SH3BP4: variants seen among roughly 807,000 people sequenced by gnomAD.
SH3BP4 encodes the protein SH3 domain binding protein 4, also known as SH3 domain-binding protein 4.
Under a neutral mutation model 65.5 loss-of-function variants are expected in SH3BP4, and 33 were observed. The observed-to-expected ratio is 0.50, with a 90% CI of 0.38 to 0.67. SH3BP4 has a LOEUF of 0.67. Ranked by LOEUF, SH3BP4 falls within the 30% of genes least tolerant of loss-of-function variation. SH3BP4 has a pLI of 0.00. For synonymous variants in SH3BP4, 552 were observed against 545.5 expected, an observed-to-expected ratio of 1.01 and a Z score of -0.17; for missense variants, 1,134 against 1,261.4, an observed-to-expected ratio of 0.90 and a Z score of 1.53.
At chr2:235,023,893 A>G (rs1574829121) in intron 2 of SH3BP4, among the ~76,000 whole-genome samples, 2 of 152,122 alleles carry the variant, frequency 1.3e-5, no homozygotes, top group African/African-American at 4.8e-5. Flanking sequence ...CTGTGTGAGG[A>G]ACTAGGTTGC....
At chr2:235,006,844 G>A (rs1468487455) in intron 2 of SH3BP4, among the ~76,000 whole-genome samples, 1 of 152,168 alleles carries the variant, frequency 6.6e-6, no homozygotes, top group East Asian at 1.9e-4. Context: ...AGGGGGACTA[G>A]GGCAGGACCT....
At chr2:235,016,866 C>G (rs1694699682) in intron 2 of SH3BP4, among the ~76,000 whole-genome samples, 1 of 152,144 alleles carries the variant, frequency 6.6e-6, no homozygotes, top group South Asian at 2.1e-4. Context: ...CCATCCATCC[C>G]TTCCGAGCTA....
rs184586434 is a variant in SH3BP4 at position 235,040,982 on chromosome 2, C to A, written c.213C>A (p.Phe71Leu). Reference protein sequence around the residue: ...IAIKDYCPTNFTTLKFSKGDH... With the variant: ...IAIKDYCPTNLTTLKFSKGDH... ...TCAAGGACTATTGCCCCACCAACTT[C>A]ACCACACTGAAGTTCTCCAAGGGCG... The change falls in exon 4 of 6, where the codon TTC becomes TTA. Residue 71 changes from phenylalanine to leucine, a missense_variant. Transcript: ENST00000392011. The A allele has an allele frequency of 6.2e-7, 1 of 1,614,194 alleles. No homozygotes were observed. Among genetic ancestry groups the A allele is most frequent in the East Asian group, 2.2e-5 (1 of 44,874 alleles).
At position 235,042,516 on chromosome 2, in the gene SH3BP4, G is replaced by C. The variant is rs761988299; in HGVS notation, c.1747G>C (p.Glu583Gln). ...IFPITSQNPN[E>Q]LSDFTLRVQV... is the part of the protein sequence containing the mutation. Reference sequence around the variant, plus strand: ...CCCCATCACCTCCCAGAACCCCAACGAGCTCTCTGACTTCACGCTGCGGGT... The same window carrying C: ...CCCCATCACCTCCCAGAACCCCAACCAGCTCTCTGACTTCACGCTGCGGGT... Residue 583 changes from glutamate to glutamine, a missense_variant, in exon 4 of 6, where the codon GAG becomes CAG. Physicochemically the swap from Glu to Gln is conservative, Grantham distance 29. Transcript: ENST00000392011. The surrounding 1 kb of genome is among the most constrained non-coding windows in gnomAD (Gnocchi z 7.3). 1 of 1,613,988 alleles carries C rather than the reference G, an allele frequency of 6.2e-7. No individual in the cohort carries two copies. The highest frequency in any genetic ancestry group is 2.2e-5 in the East Asian group (1 of 44,878).
intron 2 of SH3BP4, among the ~76,000 whole-genome samples, chr2:235,010,841 G>A (rs1396557727): frequency 7.7e-6 from 1 of 130,704 alleles, no homozygotes; most frequent in Non-Finnish European, 1.7e-5. Context: ...TCTCCTAGGA[G>A]AACCCTTCCT....
chr2:235,047,660 C>T (rs2106340875), intron 4 of SH3BP4, among the ~76,000 whole-genome samples: 1 of 152,330 alleles, frequency 6.6e-6, no homozygotes, highest in East Asian at 1.9e-4. Context: ...TGGCCATCAG[C>T]CATGGGAGCA....
At chr2:235,050,541 C>G (rs1475519336) in intron 4 of SH3BP4, among the ~76,000 whole-genome samples, 1 of 152,126 alleles carries the variant, frequency 6.6e-6, no homozygotes, top group African/African-American at 2.4e-5. Flanking sequence ...TCAGAATGAT[C>G]TGTCGCTCCT....
At chr2:234,990,351 A>G (rs1693710453) in intron 1 of SH3BP4, among the ~76,000 whole-genome samples, 1 of 152,140 alleles carries the variant, frequency 6.6e-6, no homozygotes. Context: ...ATTGATGTCC[A>G]CTGTGGAGGC....
intron 4 of SH3BP4, among the ~76,000 whole-genome samples, chr2:235,048,946 C>G (rs1695962020): frequency 1.3e-5 from 2 of 152,200 alleles, no homozygotes; most frequent in Admixed American, 1.3e-4. Context: ...GGATCAAGTT[C>G]ATAGAGCTAG....
At chr2:234,966,585 T>C (rs1033062395) in intron 1 of SH3BP4, among the ~76,000 whole-genome samples, 2 of 152,192 alleles carry the variant, frequency 1.3e-5, no homozygotes, top group African/African-American at 4.8e-5. Flanking sequence ...TACCACGCAG[T>C]AAATCTTGTG....
In SH3BP4 at chr2:235,054,421, T is replaced by A. The variant is rs774481569; in HGVS notation, c.*605T>A. ...GAAGGCCCCAGGTCCTGCTCCCTCC[T>A]CGGATTTGATTGTCTTCCGTGCTTT... On this transcript the variant is annotated 3_prime_UTR_variant, in exon 6 of 6. Coordinates refer to ENST00000392011, the MANE Select transcript of SH3BP4 (RefSeq NM_014521.3). 1.3e-5 allele frequency: 2 copies of A among 152,418 alleles called. No individual in the cohort carries two copies. Among genetic ancestry groups the A allele is most frequent in the African/African-American group, 2.4e-5 (1 of 41,300 alleles). 9.4% of individuals were successfully genotyped at this position (152,418 alleles called of 1,614,324 possible).
chr2:235,013,009 T>C (rs1694565999), intron 2 of SH3BP4, among the ~76,000 whole-genome samples: 1 of 152,188 alleles, frequency 6.6e-6, no homozygotes, highest in Admixed American at 6.5e-5. Flanking sequence ...GTGACACAGC[T>C]TTTCTCCCAG....
intron 1 of SH3BP4, among the ~76,000 whole-genome samples, chr2:234,968,032 G>A (rs965679149): frequency 3.9e-5 from 6 of 152,118 alleles, no homozygotes; most frequent in Admixed American, 6.5e-5. Context: ...AGGTGAGGGC[G>A]ACCACACCCA....
In SH3BP4 at chr2:235,036,078, G is replaced by C. The variant is rs191304281; in HGVS notation, c.118+958G>C. ...ACTAAACTGCTATCCCCCAGATAAA[G>C]TTGTAATCCTCTACCCTGATGTACA... On this transcript the variant is annotated intron_variant, in intron 3 of 5. Transcript: ENST00000392011. Among the ~76,000 whole-genome samples the C allele has an allele frequency of 4.8e-4, 73 of 152,352 alleles. 1 individual carries two copies. Among genetic ancestry groups the C allele is most frequent in the Admixed American group, 1.6e-3 (24 of 15,310 alleles).
rs536431093 is a variant in SH3BP4 at position 234,958,190 on chromosome 2, A to G, written c.-207+6020A>G. ...AGAAACCCTACCGCCCAAGGACCAT[A>G]GCTGAACACTTTGTAAGAGTCCTTG... On this transcript the variant is annotated intron_variant, in intron 1 of 5. Transcript: ENST00000392011. Among the ~76,000 whole-genome samples the G allele has an allele frequency of 2.6e-5, 4 of 152,284 alleles. No individual in the cohort carries two copies. In the South Asian group the frequency reaches 8.3e-4, roughly 32 times the overall value.
At chr2:234,956,233 C>T (rs1692583045) in intron 1 of SH3BP4, among the ~76,000 whole-genome samples, 1 of 152,166 alleles carries the variant, frequency 6.6e-6, no homozygotes, top group Non-Finnish European at 1.5e-5. Context: ...GTTGGGATAA[C>T]CCAGGATTTG....
rs148242042 is a variant in SH3BP4, at chr2:235,042,362, G to C, written c.1593G>C (p.Leu531Phe). The C allele has an allele frequency of 1.9e-6, 3 of 1,614,022 alleles. No homozygotes were observed. Among genetic ancestry groups the C allele is most frequent in the Non-Finnish European group, 2.5e-6 (3 of 1,180,042 alleles). Residue 531 changes from leucine to phenylalanine, a missense_variant, in exon 4 of 6, where the codon TTG becomes TTC. Leu to Phe is a conservative substitution (Grantham distance 22). Transcript: ENST00000392011. The surrounding 1 kb of genome is among the most constrained non-coding windows in gnomAD (Gnocchi z 7.3). ...LQLWGKHQFV[L>F]SRPQDLKVCM... ...TGTGGGGGAAGCACCAGTTCGTTTT[G>C]TCCAGGCCCCAGGATCTCAAGGTCT...
chr2:234,972,157 T>C (rs1312349849), intron 1 of SH3BP4, among the ~76,000 whole-genome samples: 1 of 144,152 alleles, frequency 6.9e-6, no homozygotes, highest in Non-Finnish European at 1.5e-5. Context: ...TTTGAGACAG[T>C]GTCTCAATCT....
At chr2:235,024,605 G>GA (rs1694941595) in intron 2 of SH3BP4, among the ~76,000 whole-genome samples, 1 of 152,092 alleles carries the variant, frequency 6.6e-6, no homozygotes, top group Non-Finnish European at 1.5e-5. Flanking sequence ...TTTCATCAGG[G>GA]AAAGCCCCTT....
Sources: allele counts gnomAD v4.1 joint callset (sites outside exome capture counted in the v4.1 genomes callset), GRCh38; gene constraint gnomAD v4.1.1; non-coding constraint Gnocchi (gnomAD v3.1); transcripts MANE v1.5; gene names NCBI Gene and HGNC (gene_info 2026-07-23, HGNC 2026-07-21).